The following USP24 variants were observed in gnomAD, a reference collection of about 807,000 sequenced individuals.
USP24 encodes the protein ubiquitin specific peptidase 24, also known as ubiquitin carboxyl-terminal hydrolase 24.
A neutral mutation model predicts 361.6 loss-of-function variants in USP24; 97 were observed. The ratio of observed to expected loss-of-function variants is 0.27; its 90% confidence interval spans 0.23 to 0.32. The LOEUF (loss-of-function observed/expected upper bound fraction) is 0.32, where lower values mean the gene tolerates loss of function less well. USP24 is among the 10% of genes least tolerant of loss of function. USP24 has a pLI of 1.00. For missense variants in USP24, 2,353 were observed against 3,165.6 expected (o/e 0.74, Z 6.16); for synonymous variants, 1,098 against 1,124.6 (o/e 0.98, Z 0.47).
At chr1:55,095,670 A>T (rs2100488055) in intron 50 of USP24, among the ~76,000 whole-genome samples, 1 of 152,246 alleles carries the variant, frequency 6.6e-6, no homozygotes, top group Admixed American at 6.5e-5. Context: ...TAAGAGAAAG[A>T]AGGTAAGTAT....
chr1:55,097,391 C>T (rs1210874353), intron 48 of USP24, among the ~76,000 whole-genome samples: 1 of 152,130 alleles, frequency 6.6e-6, no homozygotes, highest in Non-Finnish European at 1.5e-5. Context: ...TCATAGTAAT[C>T]ACTAGGATGC....
At position 55,103,864 on chromosome 1, in the gene USP24, T is replaced by C. The variant is rs771453803; in HGVS notation, c.5025+12A>G. 1.2e-5 allele frequency: 20 copies of C among 1,604,424 alleles called. 1 individual carries two copies. In the Admixed American group the frequency reaches 2.9e-4, roughly 24 times the overall value. On this transcript the variant is annotated intron_variant, in intron 42 of 67. Coordinates refer to ENST00000294383, the MANE Select transcript of USP24 (RefSeq NM_015306.3). ...TAAAAAAATTAAGTTCATCAACGTC[T>C]AGAAAACCTACATCAAACTCCTTGG...
chr1:55,164,078 T>C (rs1332344800), intron 7 of USP24, among the ~76,000 whole-genome samples: 1 of 152,050 alleles, frequency 6.6e-6, no homozygotes, highest in Non-Finnish European at 1.5e-5. Flanking sequence ...TGCCCATTAG[T>C]AAGTGTCTGC....
intron 16 of USP24, 63 bp from the exon 17 acceptor site, chr1:55,148,633 C>G (rs1000895822): frequency 2.4e-6 from 3 of 1,266,966 alleles, no homozygotes; most frequent in Non-Finnish European, 3.3e-6. Flanking sequence ...CATTTATTAG[C>G]TATAAAAAAT....
chr1:55,107,326 T>C lies in USP24; in HGVS notation c.4675A>G (p.Ser1559Gly), dbSNP rs1387484275. 5.6e-6 allele frequency: 9 copies of C among 1,613,980 alleles called. No individual in the cohort carries two copies. The highest frequency in any genetic ancestry group is 7.6e-6 in the Non-Finnish European group (9 of 1,179,884). ...GCCAGTAAGATGTTGTCCGCTTCAC[T>C]GGTCTCACATTCAGCTGTACGATTA... is the stretch of plus-strand genomic sequence containing the variant. ...EPNRTAECET[S>G]EADNILLAGH... is the part of the protein sequence containing the mutation. Residue 1559 changes from serine to glycine, a missense_variant, in exon 40 of 68, where the codon AGT (serine) becomes GGT (glycine). By Grantham distance (56) the Ser-to-Gly change is moderately conservative (BLOSUM62 0). Transcript: ENST00000294383.
chr1:55,158,529 C>T (rs1466976917), intron 10 of USP24, among the ~76,000 whole-genome samples: 1 of 152,118 alleles, frequency 6.6e-6, no homozygotes, highest in African/African-American at 2.4e-5. Flanking sequence ...TTGTCCCAAC[C>T]CCAGTTAGAA....
chr1:55,198,722 C>A (rs992309890), intron 1 of USP24, among the ~76,000 whole-genome samples: 1 of 152,120 alleles, frequency 6.6e-6, no homozygotes, highest in African/African-American at 2.4e-5. Flanking sequence ...ACCTACAGAT[C>A]CAAGATCTCT....
Position 55,075,650 on chromosome 1 carries a change from ACAACAACAACAACAACACCACCAC to A in USP24, c.7381-151_7381-128del, listed in dbSNP as rs1466181222. 7 of 501,638 alleles carry A rather than the reference ACAACAACAACAACAACACCACCAC, an allele frequency of 1.4e-5. No individual in the cohort carries two copies. In the African/African-American group the frequency reaches 3.6e-4, roughly 26 times the overall value. The allele number at this position is 501,638 out of a possible 1,614,324, so 31.1% of individuals were successfully genotyped here. A position where few individuals can be genotyped will look rare whatever the true frequency, so the allele number is the denominator to read the frequency against. ...GACAACAACAACAACAACAACAACA[ACAACAACAACAACAACACCACCAC>A]CACCAATACAGGACGGGCATGGTGG... On this transcript the variant is annotated intron_variant, in intron 62 of 67. Transcript: ENST00000294383.
intron 32 of USP24, among the ~76,000 whole-genome samples, 185 bp downstream of exon 32, chr1:55,129,292 T>C (rs1048819066): frequency 6.6e-6 from 1 of 152,210 alleles, no homozygotes; most frequent in Non-Finnish European, 1.5e-5. Context: ...GTTTTTCAAA[T>C]AATCAGAAGT....
In USP24 at chr1:55,147,655, G is replaced by A; in HGVS notation, c.2112C>T (p.Tyr704=). The part of the protein sequence containing the change: ...GSTLVDGRYT[Y]REYLEAHLKF... ...AAAACACAAGGCCTGATACCTCCCG[G>A]TAAGTGTACCGGCCATCCACTAGTG... The change falls in exon 18 of 68, where the codon TAC becomes TAT. Residue 704 remains tyrosine, a synonymous_variant. Transcript: ENST00000294383. The A allele has an allele frequency of 6.2e-7, 1 of 1,605,316 alleles. No individual in the cohort carries two copies. The highest frequency in any genetic ancestry group is 1.7e-5 in the Admixed American group (1 of 58,214).
chr1:55,139,296 T>C (rs1231006394), intron 24 of USP24, among the ~76,000 whole-genome samples: 2 of 152,238 alleles, frequency 1.3e-5, no homozygotes, highest in Admixed American at 1.3e-4. Flanking sequence ...ATGGAGGACC[T>C]GGGTTTCTAG....
Position 55,159,613 on chromosome 1 carries a change from T to C in USP24, c.1066A>G (p.Lys356Glu). 1 of 1,559,060 alleles carries C rather than the reference T, an allele frequency of 6.4e-7. No homozygotes were observed. The highest frequency in any genetic ancestry group is 8.7e-7 in the Non-Finnish European group (1 of 1,149,770). ...RSVEEKDLKD[K>E]RLVSIPELLS... The stretch of plus-strand genomic sequence containing the variant: ...ATCTGGCTGGAGAAGGCATTTACCT[T>C]GTCTTTGAGGTCTTTCTCTTCTACA... The change falls in exon 9 of 68, where the codon AAG becomes GAG. Residue 356 changes from lysine (K) to glutamate (E), a missense_variant and splice_region_variant. Transcript: ENST00000294383.
intron 18 of USP24, 31 bp downstream of exon 18, chr1:55,147,618 A>T (rs753994573): frequency 3.9e-6 from 6 of 1,556,656 alleles, no homozygotes; most frequent in Non-Finnish European, 5.2e-6. Flanking sequence ...TAATGTTGTA[A>T]ATCATGAAGC....
chr1:55,069,962 C>T (rs1644887560), intron 67 of USP24, among the ~76,000 whole-genome samples: 1 of 148,030 alleles, frequency 6.8e-6, no homozygotes, highest in African/African-American at 2.5e-5. Context: ...GTTGAGGATT[C>T]TGGCTTTTCT....
Position 55,098,068 on chromosome 1 carries a change from C to G in USP24, c.5470G>C (p.Ala1824Pro). Reference protein sequence around the residue: ...DCPHRYEREEAFMALNLGVTS... With the variant: ...DCPHRYEREEPFMALNLGVTS... ...ACTCCTAGATTGAGAGCCATGAAAG[C>G]TTCTTCACGCTCATATCTGATTAGG... The change falls in exon 47 of 68, where the codon GCT (alanine) becomes CCT (proline). Residue 1824 changes from alanine (A) to proline (P), a missense_variant. Coordinates refer to ENST00000294383, the MANE Select transcript of USP24 (RefSeq NM_015306.3). 1.2e-6 allele frequency: 2 copies of G among 1,606,306 alleles called. No individual in the cohort carries two copies. Among genetic ancestry groups the G allele is most frequent in the Non-Finnish European group, 1.7e-6 (2 of 1,177,632 alleles).
intron 41 of USP24, among the ~76,000 whole-genome samples, chr1:55,105,296 C>T (rs1164712206): frequency 2.0e-5 from 3 of 152,124 alleles, no homozygotes; most frequent in African/African-American, 4.8e-5. Context: ...CTGAGGAATA[C>T]CCCAAGAGTT....
Position 55,138,930 on chromosome 1 carries a change from A to C in USP24, c.2817+14T>G. On this transcript the variant is annotated intron_variant, in intron 25 of 67. Coordinates refer to ENST00000294383, the MANE Select transcript of USP24 (RefSeq NM_015306.3). ...CCTAAGCAACATACATCTTAAAAAA[A>C]GGAAGTGGCTTACCTCTATAGTGAT... The C allele has an allele frequency of 6.2e-7, 1 of 1,609,308 alleles. No individual in the cohort carries two copies. The highest frequency in any genetic ancestry group is 8.5e-7 in the Non-Finnish European group (1 of 1,178,084).
rs979587276 is a variant in USP24 at position 55,067,480 on chromosome 1, C to G, written c.*1565G>C. The stretch of plus-strand genomic sequence containing the variant: ...GTGTTTGACAAAGGCCACTGCCAAC[C>G]TCCAGCAAGTCACAGAATAACAATG... On this transcript the variant is annotated 3_prime_UTR_variant, in exon 68 of 68. Transcript: ENST00000294383. 2 of 152,336 alleles carry G rather than the reference C, an allele frequency of 1.3e-5. No homozygotes were observed. The highest frequency in any genetic ancestry group is 4.8e-5 in the African/African-American group (2 of 41,460). The allele number at this position is 152,336 out of a possible 1,614,324, so 9.4% of individuals were successfully genotyped here. A position where few individuals can be genotyped will look rare whatever the true frequency, so the allele number is the denominator to read the frequency against.
At position 55,107,970 on chromosome 1, in the gene USP24, C is replaced by T. The variant is rs537503706; in HGVS notation, c.4571-540G>A. 2.6e-5 allele frequency among the ~76,000 whole-genome samples: 4 copies of T among 152,124 alleles called. No homozygotes were observed. The South Asian group carries it at 8.3e-4, about 32-fold the overall frequency. ...TTCATAAACCACTTATTGGTTGCCT[C>T]CTCTGTGCAGGTCACTGTGCCATAT... On this transcript the variant is annotated intron_variant, in intron 39 of 67. Coordinates refer to ENST00000294383, the MANE Select transcript of USP24 (RefSeq NM_015306.3).
Sources: allele counts gnomAD v4.1 joint callset (sites outside exome capture counted in the v4.1 genomes callset), GRCh38; gene constraint gnomAD v4.1.1; transcripts MANE v1.5; gene names NCBI Gene and HGNC (gene_info 2026-07-23, HGNC 2026-07-21).